Variants in IQCM observed in about 807,000 individuals in gnomAD.
IQCM encodes IQ motif containing M.
A neutral mutation model predicts 57.6 loss-of-function variants in IQCM; 45 were observed. That is an observed-to-expected ratio of 0.78 (90% CI 0.62 to 1.00). The LOEUF (loss-of-function observed/expected upper bound fraction) is 1.00, where lower values mean the gene tolerates loss of function less well. Ranked by LOEUF, IQCM falls within the 50% of genes least tolerant of loss-of-function variation. The pLI, the probability that IQCM is intolerant of heterozygous loss-of-function variation, is 0.00. For missense variants in IQCM, 468 were observed against 511.6 expected (o/e 0.91, Z 0.82); for synonymous variants, 148 against 158.9 (o/e 0.93, Z 0.51).
chr4:149,426,701 T>C (rs1734484987), intron 13 of IQCM, among the ~76,000 whole-genome samples: 2 of 151,996 alleles, frequency 1.3e-5, no homozygotes, highest in Admixed American at 6.6e-5. Flanking sequence ...TACACCTCTC[T>C]AAGAGCTGCT....
chr4:149,778,885 G>C (rs1418250741), intron 2 of IQCM, among the ~76,000 whole-genome samples: 1 of 152,090 alleles, frequency 6.6e-6, no homozygotes, highest in Non-Finnish European at 1.5e-5. Context: ...GCCAGACCTA[G>C]ACGGTTTCAC....
chr4:149,446,227 A>G (rs914557929), intron 12 of IQCM, among the ~76,000 whole-genome samples: 5 of 151,490 alleles, frequency 3.3e-5, no homozygotes, highest in African/African-American at 9.7e-5. Flanking sequence ...TCATTTGGTG[A>G]CTCTTATGAA....
At chr4:149,663,365 T>C (rs1760396003) in intron 7 of IQCM, among the ~76,000 whole-genome samples, 1 of 152,008 alleles carries the variant, frequency 6.6e-6, no homozygotes, top group Non-Finnish European at 1.5e-5. Context: ...CTGAGCTTGA[T>C]TATGTATTTA....
At chr4:149,692,857 T>C (rs1254550920) in intron 5 of IQCM, among the ~76,000 whole-genome samples, 1 of 152,006 alleles carries the variant, frequency 6.6e-6, no homozygotes. Flanking sequence ...AAATAACCTC[T>C]GATTAGAATA....
chr4:149,786,684 A>C (rs1434388573), intron 2 of IQCM, among the ~76,000 whole-genome samples: 1 of 152,132 alleles, frequency 6.6e-6, no homozygotes. Flanking sequence ...GAAACAATAG[A>C]TGCTGGCGAG....
At chr4:149,376,813 G>C (rs1240050643) in intron 13 of IQCM, among the ~76,000 whole-genome samples, 4 of 152,094 alleles carry the variant, frequency 2.6e-5, no homozygotes, top group African/African-American at 9.7e-5. Flanking sequence ...ATAAGATAAT[G>C]AGCACACACA....
rs193195753 is a variant in IQCM, at chr4:149,479,200, T to G, written c.1229-45643A>C. ...ACTTAATGACAATGACTGGTTACAT[T>G]GAACCTATTAGCTTAAGTATGATAC... On this transcript the variant is annotated intron_variant, in intron 12 of 13. Transcript: ENST00000636793. Among the ~76,000 whole-genome samples the G allele has an allele frequency of 1.6e-3, 250 of 152,290 alleles. 2 individuals are homozygous for G. Among genetic ancestry groups the G allele is most frequent in the African/African-American group, 5.5e-3 (227 of 41,580 alleles).
At chr4:149,600,115 T>G (rs2150029952) in intron 8 of IQCM, among the ~76,000 whole-genome samples, 1 of 152,274 alleles carries the variant, frequency 6.6e-6, no homozygotes, top group South Asian at 2.1e-4. Flanking sequence ...TCCTTTTTAC[T>G]TGTGTATTTA....
chr4:149,758,037 A>C (rs1769152310), intron 2 of IQCM, among the ~76,000 whole-genome samples: 1 of 152,200 alleles, frequency 6.6e-6, no homozygotes. Context: ...AAGCTACAGT[A>C]ATCAGGACAA....
intron 13 of IQCM, among the ~76,000 whole-genome samples, chr4:149,402,464 A>T (rs1732683517): frequency 6.6e-6 from 1 of 151,814 alleles, no homozygotes; most frequent in East Asian, 1.9e-4. Context: ...CTGTGTTTTC[A>T]AACATATATC....
At chr4:149,791,326 G>A (rs569519603) in intron 2 of IQCM, among the ~76,000 whole-genome samples, 1 of 151,852 alleles carries the variant, frequency 6.6e-6, no homozygotes, top group Admixed American at 6.6e-5. Context: ...ACTTTGGGGG[G>A]GTACATGTAA....
intron 7 of IQCM, among the ~76,000 whole-genome samples, chr4:149,642,480 A>G (rs1327206236): frequency 6.6e-6 from 1 of 152,166 alleles, no homozygotes; most frequent in Non-Finnish European, 1.5e-5. Flanking sequence ...CCTCTTGCAA[A>G]GTAACCAGGA....
At chr4:149,453,138 T>C (rs1329697269) in intron 12 of IQCM, among the ~76,000 whole-genome samples, 1 of 151,416 alleles carries the variant, frequency 6.6e-6, no homozygotes, top group African/African-American at 2.4e-5. Context: ...ACTTGTATAC[T>C]AAAAACTGCA....
At chr4:149,529,499 T>C (rs532024153) in intron 12 of IQCM, among the ~76,000 whole-genome samples, 18 of 152,346 alleles carry the variant, frequency 1.2e-4, no homozygotes, top group African/African-American at 4.3e-4. Flanking sequence ...TTTCAGGCTT[T>C]CATTGGCATT....
intron 12 of IQCM, chr4:149,514,395 T>C (rs1473097676): frequency 6.6e-6 from 1 of 152,220 alleles, no homozygotes; most frequent in Non-Finnish European, 1.5e-5. Flanking sequence ...ACCTTCTTAA[T>C]GAGTATCACA....
intron 7 of IQCM, among the ~76,000 whole-genome samples, chr4:149,641,208 G>T (rs888113722): frequency 3.9e-5 from 6 of 152,014 alleles, no homozygotes; most frequent in African/African-American, 1.4e-4. Flanking sequence ...AAATAGAAAA[G>T]AATTATAACA....
chr4:149,430,175 ATGCCTT>A, intron 13 of IQCM: 1 of 406,390 alleles, frequency 2.5e-6, no homozygotes, highest in East Asian at 3.6e-5. Flanking sequence ...GCACTTAAAT[ATGCCTT>A]TGTATGCACC....
intron 5 of IQCM, among the ~76,000 whole-genome samples, chr4:149,718,716 C>A (rs755423140): frequency 4.6e-5 from 7 of 152,170 alleles, no homozygotes; most frequent in Non-Finnish European, 1.0e-4. Context: ...AAATCCATCC[C>A]TTGCCTCTTC....
At chr4:149,573,295 T>C (rs890137678) in intron 9 of IQCM, among the ~76,000 whole-genome samples, 4 of 151,554 alleles carry the variant, frequency 2.6e-5, no homozygotes, top group Non-Finnish European at 5.9e-5. Context: ...TTAATGGTTA[T>C]ATTAACTAAG....
Sources: allele counts gnomAD v4.1 joint callset (sites outside exome capture counted in the v4.1 genomes callset), GRCh38; gene constraint gnomAD v4.1.1; transcripts MANE v1.5; gene names NCBI Gene and HGNC (gene_info 2026-07-23, HGNC 2026-07-21).